Variants in ZFHX3 observed in about 807,000 individuals in gnomAD.
ZFHX3 encodes zinc finger homeobox protein 3.
In ZFHX3, 42 loss-of-function variants were observed where a neutral mutation model predicts 279.1. The observed-to-expected ratio is 0.15, with a 90% CI of 0.12 to 0.19. The LOEUF (loss-of-function observed/expected upper bound fraction) is 0.19, where lower values mean the gene tolerates loss of function less well. Ranked by LOEUF, ZFHX3 falls within the 10% of genes least tolerant of loss-of-function variation. The pLI, the probability that ZFHX3 is intolerant of heterozygous loss-of-function variation, is 1.00. For synonymous variants in ZFHX3, 2,293 were observed against 1,957.8 expected (o/e 1.17, Z -4.52); for missense variants, 4,981 against 4,754.0 (o/e 1.05, Z -1.40).
Position 72,799,905 on chromosome 16 carries a change from T to C in ZFHX3, c.3967+122A>G, listed in dbSNP as rs148650492. The C allele has an allele frequency of 6.7e-5, 56 of 840,154 alleles. No homozygotes were observed. In the African/African-American group the frequency reaches 8.3e-4, roughly 12 times the overall value. The allele number at this position is 840,154 out of a possible 1,614,324, so 52.0% of individuals were successfully genotyped here. ...AAGTAGCTGATGACAGTGCCCCTCA[T>C]CTCCTGATCAGTTACATTCACCTTA... On this transcript the variant is annotated intron_variant, in intron 8 of 9. Coordinates refer to ENST00000268489, the MANE Select transcript of ZFHX3 (RefSeq NM_006885.4).
chr16:73,160,890 C>T (rs1967218993), intron 5 of ZFHX3, among the ~76,000 whole-genome samples: 1 of 151,340 alleles, frequency 6.6e-6, no homozygotes, highest in African/African-American at 2.4e-5. Context: ...ATTTTTCTCC[C>T]CTTTTAATCT....
chr16:73,869,805 C>A (rs1405039127), intron 1 of ZFHX3, among the ~76,000 whole-genome samples: 1 of 152,158 alleles, frequency 6.6e-6, no homozygotes, highest in Non-Finnish European at 1.5e-5. Context: ...TTTAACCGGG[C>A]TTCCTGTTTA....
At chr16:73,308,622 G>C (rs972175070) in intron 4 of ZFHX3, among the ~76,000 whole-genome samples, 2 of 151,984 alleles carry the variant, frequency 1.3e-5, no homozygotes, top group Admixed American at 1.3e-4. Context: ...TTTAATTCTC[G>C]CATTGAATTT....
At chr16:73,703,050 G>C (rs1375115086) in intron 1 of ZFHX3, among the ~76,000 whole-genome samples, 3 of 152,170 alleles carry the variant, frequency 2.0e-5, no homozygotes, top group Non-Finnish European at 1.5e-5. Context: ...AAACAAAAAA[G>C]TGATTCAAAT....
intron 3 of ZFHX3, among the ~76,000 whole-genome samples, chr16:73,349,496 G>C (rs1016747047): frequency 2.6e-5 from 4 of 152,112 alleles, no homozygotes; most frequent in Non-Finnish European, 4.4e-5. Flanking sequence ...GGGTGATCTT[G>C]TTTAATTTTC....
At chr16:73,247,881 G>A (rs1399981778) in intron 5 of ZFHX3, among the ~76,000 whole-genome samples, 18 of 152,124 alleles carry the variant, frequency 1.2e-4, no homozygotes, top group Non-Finnish European at 2.1e-4. Context: ...GTATAAGTGT[G>A]TGTATACTGT....
rs767515565 is a variant in ZFHX3 at position 72,960,153 on chromosome 16, C to T, written c.-8G>A. 1 of 1,556,252 alleles carries T rather than the reference C, an allele frequency of 6.4e-7. No homozygotes were observed. On this transcript the variant is annotated 5_prime_UTR_variant, in exon 2 of 10. Coordinates refer to ENST00000268489, the MANE Select transcript of ZFHX3 (RefSeq NM_006885.4). ...CGAGTCACAGCCTTCCATGGTAAGG[C>T]CTGCGTGGAGCTTTCATTGCACCCA... is the stretch of plus-strand genomic sequence containing the variant.
At chr16:72,940,664 C>T (rs1431886864) in intron 3 of ZFHX3, among the ~76,000 whole-genome samples, 3 of 152,186 alleles carry the variant, frequency 2.0e-5, no homozygotes, top group African/African-American at 7.2e-5. Flanking sequence ...GGTGTAAACC[C>T]CTTCAGCAAC....
intron 8 of ZFHX3, among the ~76,000 whole-genome samples, chr16:73,075,083 C>T (rs1280359219): frequency 1.3e-5 from 2 of 152,162 alleles, no homozygotes; most frequent in African/African-American, 2.4e-5. Flanking sequence ...GCTGGGATTA[C>T]ACGTGTGAGC....
chr16:73,166,984 G>A (rs759501116), intron 5 of ZFHX3, among the ~76,000 whole-genome samples: 31 of 152,088 alleles, frequency 2.0e-4, no homozygotes, highest in African/African-American at 5.1e-4. Flanking sequence ...TGATTTCCCC[G>A]AATGAGATCA....
rs1336026188 is a variant in ZFHX3 at position 73,198,521 on chromosome 16, G to A, written c.-1103-54690C>T. On this transcript the variant is annotated intron_variant, in intron 5 of 17. Coordinates refer to the ZFHX3 transcript ENST00000641206. ...AGTGAGAGCTTGGGGTTCTTCTCTA[G>A]CTTTCGTTGATTATCGAGAAACAAA... 4.0e-3 allele frequency among the ~76,000 whole-genome samples: 5 copies of A among 1,248 alleles called. No homozygotes were observed. In the South Asian group the frequency reaches 0.19, roughly 47 times the overall value. The allele number at this position is 1,248 out of a possible 152,430, so 0.8% of individuals were successfully genotyped here. A position where few individuals can be genotyped will look rare whatever the true frequency, so the allele number is the denominator to read the frequency against.
intron 2 of ZFHX3, among the ~76,000 whole-genome samples, chr16:73,617,095 G>A (rs944249165): frequency 5.3e-5 from 8 of 152,158 alleles, no homozygotes; most frequent in Non-Finnish European, 1.0e-4. Context: ...AGATGAGTTC[G>A]TAAACAGCAA....
At chr16:73,416,836 T>C (rs771850386) in intron 3 of ZFHX3, among the ~76,000 whole-genome samples, 4 of 151,328 alleles carry the variant, frequency 2.6e-5, no homozygotes, top group East Asian at 1.9e-4. Context: ...ATCGCGCCAC[T>C]GCACTCCAGC....
At chr16:72,924,654 CAGGCTGTTGAATGCCAAG>C (rs1199131170) in intron 3 of ZFHX3, among the ~76,000 whole-genome samples, 2 of 152,176 alleles carry the variant, frequency 1.3e-5, no homozygotes, top group African/African-American at 4.8e-5. Context: ...AAGAAGCCAA[CAGGCTGTTGAATGCCAAG>C]CCTGAACTAT....
At chr16:73,579,123 C>G (rs2051830862) in intron 2 of ZFHX3, among the ~76,000 whole-genome samples, 1 of 152,226 alleles carries the variant, frequency 6.6e-6, no homozygotes, top group East Asian at 1.9e-4. Flanking sequence ...TCTCCACAAC[C>G]TCTTCTCGTA....
In ZFHX3 at chr16:72,794,185, C is replaced by T. The variant is rs2143395885; in HGVS notation, c.8497G>A (p.Asp2833Asn). ...LNFDQTKLDN[D>N]DCSSVNTAIT... is the part of the protein sequence containing the mutation. ...GCTGTGTTGACAGAGGAACAGTCAT[C>T]GTTGTCCAGCTTAGTTTGGTCAAAG... is the stretch of plus-strand genomic sequence containing the variant. Residue 2833 changes from aspartate to asparagine, a missense_variant, in exon 9 of 10, where the codon GAT (aspartate) becomes AAT (asparagine). Around this residue, in one of 7 missense-constraint regions of ZFHX3, gnomAD observed 744 missense variants for 701.3 expected, o/e 1.06. Coordinates refer to ENST00000268489, the MANE Select transcript of ZFHX3 (RefSeq NM_006885.4). This position sits in a 1 kb window ranked among gnomAD's most constrained non-coding sequence, Gnocchi z 4.2. The T allele has an allele frequency of 1.2e-6, 2 of 1,614,174 alleles. No individual in the cohort carries two copies. Among genetic ancestry groups the T allele is most frequent in the South Asian group, 1.1e-5 (1 of 91,074 alleles).
intron 2 of ZFHX3, among the ~76,000 whole-genome samples, chr16:73,642,766 G>T (rs1298566461): frequency 6.6e-6 from 1 of 152,046 alleles, no homozygotes; most frequent in African/African-American, 2.4e-5. Context: ...CTGACAAACG[G>T]GCATGAAATA....
intron 4 of ZFHX3, among the ~76,000 whole-genome samples, chr16:73,271,042 G>A (rs60340423): frequency 0.17 from 25,830 of 152,126 alleles, 2,421 homozygotes; most frequent in African/African-American, 0.24. Context: ...ACAAAACCTG[G>A]ATCTGCCCCT....
chr16:73,433,998 G>C (rs1376165882), intron 3 of ZFHX3, among the ~76,000 whole-genome samples: 1 of 152,192 alleles, frequency 6.6e-6, no homozygotes, highest in Non-Finnish European at 1.5e-5. Flanking sequence ...CTGGGAGGGG[G>C]GCGAGCTGGA....
Sources: allele counts gnomAD v4.1 joint callset (sites outside exome capture counted in the v4.1 genomes callset), GRCh38; gene constraint gnomAD v4.1.1; regional missense constraint gnomAD v4.1.1; non-coding constraint Gnocchi (gnomAD v3.1); transcripts MANE v1.5; gene names NCBI Gene and HGNC (gene_info 2026-07-23, HGNC 2026-07-21).